TMX4: variants seen among roughly 807,000 people sequenced by gnomAD.
TMX4 encodes the protein thioredoxin-related transmembrane protein 4.
A neutral mutation model predicts 33.3 loss-of-function variants in TMX4; 23 were observed. The observed-to-expected ratio is 0.69, with a 90% confidence interval of 0.50 to 0.98. TMX4 has a LOEUF of 0.98. Ranked by LOEUF, TMX4 falls within the 50% of genes least tolerant of loss-of-function variation. TMX4 has a pLI of 0.00. For synonymous variants in TMX4, 164 were observed against 161.5 expected, an observed-to-expected ratio of 1.02 and a Z score of -0.12; for missense variants, 399 against 448.9, an observed-to-expected ratio of 0.89 and a Z score of 1.01.
Position 8,018,036 on chromosome 20 carries a change from C to A in TMX4, c.176+1402G>T, listed in dbSNP as rs543376928. Among the ~76,000 whole-genome samples, 4 of 151,952 alleles carry A rather than the reference C, an allele frequency of 2.6e-5. No individual in the cohort carries two copies. In the South Asian group the frequency reaches 8.3e-4, roughly 32 times the overall value. On this transcript the variant is annotated intron_variant, in intron 1 of 7. Transcript: ENST00000246024. Reference sequence around the variant, plus strand: ...TATGTTCTTCGAGCAATGTAATCTGCTGTGTGACATAAATTTTGGCTCTGA... The same window carrying A: ...TATGTTCTTCGAGCAATGTAATCTGATGTGTGACATAAATTTTGGCTCTGA...
At chr20:8,002,046 T>C (rs538700840) in intron 2 of TMX4, among the ~76,000 whole-genome samples, 2 of 152,306 alleles carry the variant, frequency 1.3e-5, no homozygotes, top group Non-Finnish European at 2.9e-5. Flanking sequence ...TATGAAATGA[T>C]TAAGATCATG....
At chr20:8,009,424 A>T (rs1406360041) in intron 2 of TMX4, among the ~76,000 whole-genome samples, 2 of 152,210 alleles carry the variant, frequency 1.3e-5, no homozygotes, top group East Asian at 3.9e-4. Flanking sequence ...AGCATCATGG[A>T]TCTTAAAACC....
chr20:7,992,348 A>G (rs1357733852), intron 5 of TMX4, among the ~76,000 whole-genome samples: 1 of 152,154 alleles, frequency 6.6e-6, no homozygotes, highest in Admixed American at 6.5e-5. Flanking sequence ...TACTTCTGTG[A>G]GTTTATATAA....
intron 3 of TMX4, 64 bp downstream of exon 3, chr20:8,001,432 G>A: frequency 6.7e-7 from 1 of 1,492,396 alleles, no homozygotes; most frequent in Non-Finnish European, 9.1e-7. Flanking sequence ...AGACAACTTA[G>A]AATTCCTGGT....
chr20:8,016,876 TACA>T (rs2050777771), intron 1 of TMX4, among the ~76,000 whole-genome samples: 1 of 152,208 alleles, frequency 6.6e-6, no homozygotes, highest in Non-Finnish European at 1.5e-5. Context: ...AGAAGTTAAC[TACA>T]ACATCTTTGA....
intron 2 of TMX4, among the ~76,000 whole-genome samples, chr20:8,002,109 T>C (rs1042817738): frequency 2.6e-5 from 4 of 152,230 alleles, no homozygotes; most frequent in Admixed American, 1.3e-4. Flanking sequence ...GGAATATATG[T>C]ATGTGAAAAA....
At chr20:8,005,284 T>A (rs1337481471) in intron 2 of TMX4, among the ~76,000 whole-genome samples, 1 of 152,166 alleles carries the variant, frequency 6.6e-6, no homozygotes, top group Non-Finnish European at 1.5e-5. Context: ...TATATACTCA[T>A]TAAATTTAAT....
chr20:8,009,097 A>G (rs2050741972), intron 2 of TMX4, among the ~76,000 whole-genome samples: 1 of 152,192 alleles, frequency 6.6e-6, no homozygotes. Flanking sequence ...TGCAGTAGGT[A>G]TAAATTGAAT....
At position 7,987,381 on chromosome 20, in the gene TMX4, G is replaced by T. The variant is rs754668914; in HGVS notation, c.522C>A (p.His174Gln). 3.2e-6 allele frequency: 5 copies of T among 1,576,170 alleles called. No individual in the cohort carries two copies. In the Admixed American group the frequency reaches 1.0e-4, roughly 33 times the overall value. Residue 174 changes from histidine to glutamine, a missense_variant, in exon 6 of 8, where the codon CAC becomes CAA. Physicochemically the swap from His to Gln is conservative, Grantham distance 24. Transcript: ENST00000246024. ...TTCCAAGAGTCACTGTGAAATAGTT[G>T]TGAAGATGCTGGAATCAGAAGAAAA... ...FSISGKIWHLHNYFTVTLGIP... is the reference protein window; with the variant it reads ...FSISGKIWHLQNYFTVTLGIP...
chr20:8,000,354 T>G (rs2050699908), intron 3 of TMX4, among the ~76,000 whole-genome samples: 1 of 152,008 alleles, frequency 6.6e-6, no homozygotes, highest in Non-Finnish European at 1.5e-5. Flanking sequence ...CTTGCTGTTT[T>G]CTCCTCTTTA....
chr20:8,011,250 G>A (rs78658780), intron 1 of TMX4, among the ~76,000 whole-genome samples: 2,878 of 151,992 alleles, frequency 0.019, 33 homozygotes, highest in Non-Finnish European at 0.021. Context: ...TATTAAGGGA[G>A]GAAAGGGGCC....
intron 5 of TMX4, 59 bp from the exon 6 acceptor site, chr20:7,987,448 A>C: frequency 4.1e-6 from 5 of 1,222,316 alleles, no homozygotes; most frequent in Non-Finnish European, 4.5e-6. Context: ...AAATATTTCA[A>C]TCTCTCTCTC....
rs2050696649 is a variant in TMX4, at chr20:7,999,878, A to G, written c.339-18T>C. ...CCTTTGCACTATAAATTATGAAAAC[A>G]AGTAGAAAGCAAATGCATTAAAATA... On this transcript the variant is annotated intron_variant, in intron 3 of 7. Transcript: ENST00000246024. The G allele has an allele frequency of 1.3e-6, 2 of 1,596,844 alleles. No homozygotes were observed. The highest frequency in any genetic ancestry group is 2.3e-5 in the South Asian group (2 of 87,134).
At chr20:7,992,196 C>G (rs1342772516) in intron 5 of TMX4, among the ~76,000 whole-genome samples, 2 of 152,128 alleles carry the variant, frequency 1.3e-5, no homozygotes, top group Admixed American at 1.3e-4. Context: ...AAATCAAAAT[C>G]AATTTTGTCC....
chr20:7,993,509 A>G (rs975318807), intron 5 of TMX4, among the ~76,000 whole-genome samples: 2 of 152,154 alleles, frequency 1.3e-5, no homozygotes, highest in Non-Finnish European at 2.9e-5. Context: ...AAAGACAGGA[A>G]GGCAAGACCA....
rs2050601821 is a variant in TMX4 at position 7,980,751 on chromosome 20, A to C, written c.*1500T>G. 6.6e-6 allele frequency: 1 copy of C among 152,352 alleles called. No individual in the cohort carries two copies. Among genetic ancestry groups the C allele is most frequent in the Admixed American group, 6.5e-5 (1 of 15,304 alleles). The allele number at this position is 152,352 out of a possible 1,614,324, so 9.4% of individuals were successfully genotyped here. ...TCAGAAGAATAACCTCCTTTGTGCA[A>C]GTCTTGCAACATCTTCATTCAACCA... On this transcript the variant is annotated 3_prime_UTR_variant, in exon 8 of 8. Coordinates refer to ENST00000246024, the MANE Select transcript of TMX4 (RefSeq NM_021156.4).
chr20:7,995,888 TGA>T, intron 5 of TMX4, 136 bp downstream of exon 5: 1 of 684,662 alleles, frequency 1.5e-6, no homozygotes, highest in Non-Finnish European at 2.5e-6. Context: ...AAACCCCACA[TGA>T]GAGTAGTTGC....
At chr20:7,995,996 AAT>A (rs1436210051) in intron 5 of TMX4, 28 bp downstream of exon 5, 1 of 1,558,720 alleles carries the variant, frequency 6.4e-7, no homozygotes, top group Admixed American at 1.8e-5. Flanking sequence ...CCTCTCTGCA[AAT>A]ATAAACGTTT....
rs2050765285 is a variant in TMX4 at position 8,014,633 on chromosome 20, A to ACACAACC, written c.177-4325_177-4319dup. Reference sequence around the variant, plus strand: ...ACTGGTTGTGATAGGACCATGCAAGACACAACCAAAGCATAGTGAGAAAGA... The same window carrying ACACAACC: ...ACTGGTTGTGATAGGACCATGCAAGACACAACCCACAACCAAAGCATAGTGAGAAAGA... On this transcript the variant is annotated intron_variant, in intron 1 of 7. Transcript: ENST00000246024. Among the ~76,000 whole-genome samples, 3 of 152,248 alleles carry ACACAACC rather than the reference A, an allele frequency of 2.0e-5. No homozygotes were observed. The South Asian group carries it at 6.2e-4, about 31-fold the overall frequency.
Sources: allele counts gnomAD v4.1 joint callset (sites outside exome capture counted in the v4.1 genomes callset), GRCh38; gene constraint gnomAD v4.1.1; transcripts MANE v1.5; gene names NCBI Gene and HGNC (gene_info 2026-07-23, HGNC 2026-07-21).